The following CACNA2D4 variants were observed in gnomAD, a reference collection of about 807,000 sequenced individuals.
CACNA2D4 encodes calcium voltage-gated channel auxiliary subunit alpha2delta 4.
In CACNA2D4, 157 loss-of-function variants were observed where a neutral mutation model predicts 163.8. That is an observed-to-expected ratio of 0.96 (90% confidence interval 0.84 to 1.09). The LOEUF (loss-of-function observed/expected upper bound fraction) is 1.09. CACNA2D4 is among the 50% of genes least tolerant of loss of function. The pLI is 0.00. For synonymous variants in CACNA2D4, 598 were observed against 586.9 expected, an observed-to-expected ratio of 1.02 and a Z score of -0.27; for missense variants, 1,410 against 1,479.9, an observed-to-expected ratio of 0.95 and a Z score of 0.78.
intron 26 of CACNA2D4, among the ~76,000 whole-genome samples, chr12:1,817,701 G>A (rs1863924243): frequency 6.6e-6 from 1 of 152,168 alleles, no homozygotes; most frequent in Admixed American, 6.5e-5. Context: ...GGCCGGGCTG[G>A]TCTCCAGCTC....
chr12:1,840,929 C>A, intron 25 of CACNA2D4, 110 bp from the exon 26 acceptor site: 5 of 962,334 alleles, frequency 5.2e-6, no homozygotes, highest in African/African-American at 3.2e-5. Flanking sequence ...CGAAGGCATC[C>A]TTGGAAGAAT....
Position 1,795,374 on chromosome 12 carries a change from G to C in CACNA2D4, c.3234C>G (p.Ala1078=). The C allele has an allele frequency of 6.2e-7, 1 of 1,610,746 alleles. No individual in the cohort carries two copies. The highest frequency in any genetic ancestry group is 1.1e-5 in the South Asian group (1 of 90,846). ...LQEATEVKYN[A]SVKCDRMRSQ... is the part of the protein sequence containing the mutation. ...AGCGCATCCGGTCACATTTGACAGA[G>C]GCATTATGTGCAGAAGCCACTGTTA... Residue 1078 remains alanine, a synonymous_variant, in exon 37 of 38, where the codon GCC becomes GCG. Coordinates refer to ENST00000382722, the MANE Select transcript of CACNA2D4 (RefSeq NM_172364.5).
chr12:1,797,926 A>G (rs527404385), intron 34 of CACNA2D4, among the ~76,000 whole-genome samples: 2 of 152,212 alleles, frequency 1.3e-5, no homozygotes, highest in South Asian at 4.1e-4. Flanking sequence ...GGGGGTACTT[A>G]GGCCCACCAC....
intron 22 of CACNA2D4, 73 bp from the exon 23 acceptor site, chr12:1,854,117 G>T (rs910994865): frequency 1.3e-4 from 145 of 1,121,206 alleles, no homozygotes; most frequent in Non-Finnish European, 1.7e-4. Context: ...CCCATCCTAA[G>T]TTCAGGGAGA....
intron 18 of CACNA2D4, 120 bp from the exon 19 acceptor site, chr12:1,860,326 T>C: frequency 1.4e-6 from 1 of 729,182 alleles, no homozygotes; most frequent in Non-Finnish European, 2.4e-6. Context: ...CCTTCTTGTC[T>C]CCTCCCTGAC....
chr12:1,833,335 A>G lies in CACNA2D4; in HGVS notation c.2551+7404T>C, dbSNP rs1864713516. Among the ~76,000 whole-genome samples the G allele has an allele frequency of 6.6e-6, 1 of 152,132 alleles. No individual in the cohort carries two copies. Among genetic ancestry groups the G allele is most frequent in the South Asian group, 2.1e-4 (1 of 4,830 alleles). ...TGCATCCAGATTTCACTGGAAGCTG[A>G]AAGAGGGCCAGAATCCAACTTTCAC... On this transcript the variant is annotated intron_variant, in intron 26 of 37. Transcript: ENST00000382722. The surrounding 1 kb of genome is among the most constrained non-coding windows in gnomAD (Gnocchi z 4.2).
In CACNA2D4 at chr12:1,828,346, A is replaced by C. The variant is rs1864452506; in HGVS notation, c.2551+12393T>G. 6.8e-6 allele frequency: 5 copies of C among 733,020 alleles called. No individual in the cohort carries two copies. In the Middle Eastern group the frequency reaches 1.2e-3, roughly 177 times the overall value. The allele number at this position is 733,020 out of a possible 1,614,324, so 45.4% of individuals were successfully genotyped here. A position where few individuals can be genotyped will look rare whatever the true frequency, so the allele number is the denominator to read the frequency against. On this transcript the variant is annotated intron_variant, in intron 26 of 37. Coordinates refer to ENST00000382722, the MANE Select transcript of CACNA2D4 (RefSeq NM_172364.5). The surrounding 1 kb of genome is among the most constrained non-coding windows in gnomAD (Gnocchi z 4.2). ...GGCCTACGCCAGATCTTCCTGGGGT[A>C]CCCGAGGCTATGTTCTGGGAAGCCA...
intron 26 of CACNA2D4, among the ~76,000 whole-genome samples, chr12:1,815,107 G>T (rs1863833027): frequency 6.6e-6 from 1 of 152,152 alleles, no homozygotes; most frequent in South Asian, 2.1e-4. Context: ...GGCCAGGCTG[G>T]TCTCAAACTC....
chr12:1,820,037 T>C lies in CACNA2D4; in HGVS notation c.2552-8314A>G, dbSNP rs1470355512. ...ATGGACATGCCTGTGTACCCTTCTT[T>C]CGTATGACCGAGAGAAGGGTTCGGT... On this transcript the variant is annotated intron_variant, in intron 26 of 37. Coordinates refer to ENST00000382722, the MANE Select transcript of CACNA2D4 (RefSeq NM_172364.5). This position sits in a 1 kb window ranked among gnomAD's most constrained non-coding sequence, Gnocchi z 6.0. Among the ~76,000 whole-genome samples, 6 of 152,178 alleles carry C rather than the reference T, an allele frequency of 3.9e-5. No individual in the cohort carries two copies.
At chr12:1,800,959 G>A in intron 31 of CACNA2D4, 84 bp downstream of exon 31, 1 of 1,317,394 alleles carries the variant, frequency 7.6e-7, no homozygotes, top group Non-Finnish European at 1.1e-6. Flanking sequence ...AGGTGGGTGA[G>A]AACAGGGACC....
chr12:1,796,155 G>A (rs2154445017), intron 35 of CACNA2D4, among the ~76,000 whole-genome samples: 1 of 152,344 alleles, frequency 6.6e-6, no homozygotes, highest in Admixed American at 6.5e-5. Context: ...GCGGGGGCAG[G>A]CCCGGGCGAA....
At chr12:1,810,215 TGCCCAATGTCTCCA>T in intron 29 of CACNA2D4, 49 bp downstream of exon 29, 1 of 1,393,358 alleles carries the variant, frequency 7.2e-7, no homozygotes. Flanking sequence ...CTGGAGTGGC[TGCCCAATGTCTCCA>T]GTCCTCCTGC....
In CACNA2D4 at chr12:1,833,701, T is replaced by C. The variant is rs1176538864; in HGVS notation, c.2551+7038A>G. On this transcript the variant is annotated intron_variant, in intron 26 of 37. Transcript: ENST00000382722. The surrounding 1 kb of genome is among the most constrained non-coding windows in gnomAD (Gnocchi z 4.2). Reference sequence around the variant, plus strand: ...ACGCCAGGAAGGGAGCTGCCCATTCTTAGGCAACCAAAAGGTCTTGCGTGG... The same window carrying C: ...ACGCCAGGAAGGGAGCTGCCCATTCCTAGGCAACCAAAAGGTCTTGCGTGG... Among the ~76,000 whole-genome samples, 1 of 152,224 alleles carries C rather than the reference T, an allele frequency of 6.6e-6. No individual in the cohort carries two copies. The highest frequency in any genetic ancestry group is 1.5e-5 in the Non-Finnish European group (1 of 68,046).
At chr12:1,840,036 C>T (rs1456591743) in intron 26 of CACNA2D4, among the ~76,000 whole-genome samples, 2 of 152,168 alleles carry the variant, frequency 1.3e-5, no homozygotes, top group African/African-American at 2.4e-5. Flanking sequence ...AAAGAGCTTT[C>T]GCAAGCTTTA....
At chr12:1,900,833 T>G (rs1227633519) in intron 6 of CACNA2D4, among the ~76,000 whole-genome samples, 3 of 152,190 alleles carry the variant, frequency 2.0e-5, no homozygotes, top group Non-Finnish European at 4.4e-5. Context: ...ATACTTAATC[T>G]GCACTACGGG....
At chr12:1,841,545 G>T (rs1258474361) in intron 25 of CACNA2D4, among the ~76,000 whole-genome samples, 1 of 152,246 alleles carries the variant, frequency 6.6e-6, no homozygotes, top group Non-Finnish European at 1.5e-5. Flanking sequence ...TTCTGACTGG[G>T]GCTGGCTACT....
At position 1,856,239 on chromosome 12, in the gene CACNA2D4, G is replaced by C; in HGVS notation, c.2009-10C>G. The C allele has an allele frequency of 1.2e-6, 2 of 1,614,024 alleles. No homozygotes were observed. The highest frequency in any genetic ancestry group is 8.5e-7 in the Non-Finnish European group (1 of 1,179,890). The stretch of plus-strand genomic sequence containing the variant: ...AGCAAGTCATGCAGGCCTGAAACCA[G>C]AGTCCACATTCAGGGTGATGCTCCC... On this transcript the variant is annotated splice_polypyrimidine_tract_variant and intron_variant, in intron 20 of 37. Transcript: ENST00000382722.
In CACNA2D4 at chr12:1,792,253, G is replaced by A. The variant is rs540105819; in HGVS notation, c.*1402C>T. On this transcript the variant is annotated 3_prime_UTR_variant, in exon 38 of 38. Transcript: ENST00000382722. Reference sequence around the variant, plus strand: ...GAGCTGCAGTGTCTTCTGCTGTAAGGGGGCATTAATACTGCCCTCACAGGG... The same window carrying A: ...GAGCTGCAGTGTCTTCTGCTGTAAGAGGGCATTAATACTGCCCTCACAGGG... 2.0e-5 allele frequency: 3 copies of A among 152,214 alleles called. No homozygotes were observed. Among genetic ancestry groups the A allele is most frequent in the South Asian group, 2.1e-4 (1 of 4,834 alleles). The allele number at this position is 152,214 out of a possible 1,614,324, so 9.4% of individuals were successfully genotyped here. A position where few individuals can be genotyped will look rare whatever the true frequency, so the allele number is the denominator to read the frequency against.
At position 1,916,847 on chromosome 12, in the gene CACNA2D4, G is replaced by A. The variant is rs774786806; in HGVS notation, c.227+1400C>T. On this transcript the variant is annotated intron_variant, in intron 1 of 37. Coordinates refer to ENST00000382722, the MANE Select transcript of CACNA2D4 (RefSeq NM_172364.5). ...GGTTCGGCGGGAGTGAGGACAGGTG[G>A]GGCCAAGTCCTGGGCAGGCAGATGA... 1.3e-3 allele frequency among the ~76,000 whole-genome samples: 196 copies of A among 152,198 alleles called. 2 individuals are homozygous for A. Among genetic ancestry groups the A allele is most frequent in the Non-Finnish European group, 2.0e-3 (138 of 68,006 alleles).
Sources: allele counts gnomAD v4.1 joint callset (sites outside exome capture counted in the v4.1 genomes callset), GRCh38; gene constraint gnomAD v4.1.1; non-coding constraint Gnocchi (gnomAD v3.1); transcripts MANE v1.5; gene names NCBI Gene and HGNC (gene_info 2026-07-23, HGNC 2026-07-21).